The following NEGR1 variants were observed in gnomAD, a reference collection of about 807,000 sequenced individuals.
The protein encoded by NEGR1 is IgLON family member 4.
NEGR1 carries 10 observed loss-of-function variants against 40.9 expected under a neutral mutation model. The ratio of observed to expected loss-of-function variants is 0.24; its 90% CI spans 0.15 to 0.42. The LOEUF (loss-of-function observed/expected upper bound fraction) is 0.42. Among genes scored for constraint, NEGR1 ranks in the 10% least tolerant of loss-of-function variants. NEGR1 has a pLI of 1.00. For synonymous variants in NEGR1, 185 were observed against 166.8 expected, an observed-to-expected ratio of 1.11 and a Z score of -0.84; for missense variants, 352 against 438.9, an observed-to-expected ratio of 0.80 and a Z score of 1.77.
At chr1:71,779,612 G>T (rs1374151190) in intron 2 of NEGR1, among the ~76,000 whole-genome samples, 5 of 151,704 alleles carry the variant, frequency 3.3e-5, no homozygotes, top group Admixed American at 6.6e-5. Flanking sequence ...CTGTCTCCCA[G>T]GCTGGAGTGC....
chr1:72,127,490 A>AAAAAG (rs1650073406), intron 1 of NEGR1, among the ~76,000 whole-genome samples: 13 of 147,376 alleles, frequency 8.8e-5, no homozygotes, highest in South Asian at 2.1e-4. Flanking sequence ...AAAAAAAAAA[A>AAAAAG]GGGAGAATTG....
At chr1:72,114,474 CAGAT>C (rs1649506915) in intron 1 of NEGR1, among the ~76,000 whole-genome samples, 1 of 151,588 alleles carries the variant, frequency 6.6e-6, no homozygotes. Context: ...ATGATAATGA[CAGAT>C]AGATAAATAG....
chr1:72,113,806 T>C (rs1649477789), intron 1 of NEGR1, among the ~76,000 whole-genome samples: 1 of 151,730 alleles, frequency 6.6e-6, no homozygotes, highest in Admixed American at 6.6e-5. Flanking sequence ...AGGCTGTCAG[T>C]TTCTCAGTTA....
intron 6 of NEGR1, among the ~76,000 whole-genome samples, chr1:71,428,227 C>G (rs1399668817): frequency 6.6e-6 from 1 of 152,204 alleles, no homozygotes; most frequent in Non-Finnish European, 1.5e-5. Flanking sequence ...AACGGCAGTG[C>G]CAGCTCTGGG....
chr1:71,615,013 CA>C (rs767591804), intron 4 of NEGR1, among the ~76,000 whole-genome samples: 112 of 152,128 alleles, frequency 7.4e-4, no homozygotes, highest in Non-Finnish European at 1.2e-3. Flanking sequence ...GTCCTAAGAG[CA>C]TTTTGCAAGG....
chr1:72,192,610 C>G (rs1224455331), intron 1 of NEGR1, among the ~76,000 whole-genome samples: 2 of 151,678 alleles, frequency 1.3e-5, no homozygotes, highest in Admixed American at 6.6e-5. Context: ...GTATTTTTAG[C>G]AATGATTCAG....
intron 6 of NEGR1, among the ~76,000 whole-genome samples, chr1:71,531,141 A>G (rs1647345949): frequency 6.6e-6 from 1 of 151,374 alleles, no homozygotes; most frequent in South Asian, 2.1e-4. Flanking sequence ...ATCTTTTGAT[A>G]TAAATAACAT....
chr1:71,757,378 G>T (rs527382859), intron 3 of NEGR1, among the ~76,000 whole-genome samples: 131 of 152,100 alleles, frequency 8.6e-4, no homozygotes, highest in African/African-American at 2.2e-3. Context: ...ATAATAATAA[G>T]AAGAAAAACT....
intron 2 of NEGR1, among the ~76,000 whole-genome samples, chr1:71,826,460 T>G (rs1266657265): frequency 6.6e-6 from 1 of 151,964 alleles, no homozygotes; most frequent in Non-Finnish European, 1.5e-5. Context: ...TTTTGTTTGT[T>G]TTGTTTTACA....
At chr1:71,684,327 TATC>T (rs1440254690) in intron 4 of NEGR1, among the ~76,000 whole-genome samples, 2 of 152,104 alleles carry the variant, frequency 1.3e-5, no homozygotes, top group East Asian at 1.9e-4. Flanking sequence ...AAAATTATTT[TATC>T]ATTCTTTTCC....
chr1:72,282,069 T>G (rs1319143881), intron 1 of NEGR1, among the ~76,000 whole-genome samples: 1 of 152,100 alleles, frequency 6.6e-6, no homozygotes, highest in African/African-American at 2.4e-5. Context: ...AACCTGACAG[T>G]TCACTCATCC....
At chr1:72,070,202 A>G (rs939080050) in intron 1 of NEGR1, among the ~76,000 whole-genome samples, 1 of 152,196 alleles carries the variant, frequency 6.6e-6, no homozygotes, top group African/African-American at 2.4e-5. Context: ...TTTAAATATA[A>G]TCTACAAAGG....
intron 1 of NEGR1, among the ~76,000 whole-genome samples, chr1:72,159,715 C>A (rs17092404): frequency 6.6e-6 from 1 of 151,862 alleles, no homozygotes; most frequent in East Asian, 1.9e-4. Context: ...CTTGCTGCTG[C>A]GATTATTTTC....
At chr1:71,904,062 T>G (rs1030518368) in intron 2 of NEGR1, among the ~76,000 whole-genome samples, 3 of 151,968 alleles carry the variant, frequency 2.0e-5, no homozygotes, top group Non-Finnish European at 2.9e-5. Flanking sequence ...ACATATTATA[T>G]TAAAATCCTT....
chr1:72,165,520 T>C (rs1322593904), intron 1 of NEGR1, among the ~76,000 whole-genome samples: 1 of 151,970 alleles, frequency 6.6e-6, no homozygotes, highest in Non-Finnish European at 1.5e-5. Flanking sequence ...GCATTACAAA[T>C]AGTGTTTCCT....
At chr1:71,884,447 C>G (rs1472742740) in intron 2 of NEGR1, among the ~76,000 whole-genome samples, 2 of 152,102 alleles carry the variant, frequency 1.3e-5, no homozygotes, top group Admixed American at 6.6e-5. Flanking sequence ...GATTGGTTTA[C>G]AAAGCTTCTC....
intron 1 of NEGR1, among the ~76,000 whole-genome samples, chr1:72,031,343 A>T (rs1283606297): frequency 6.6e-6 from 1 of 152,214 alleles, no homozygotes. Context: ...CCAAGCAGGC[A>T]GGACTCCTCT....
intron 6 of NEGR1, among the ~76,000 whole-genome samples, chr1:71,479,487 C>T (rs979307006): frequency 6.6e-6 from 1 of 151,980 alleles, no homozygotes; most frequent in African/African-American, 2.4e-5. Context: ...GTATGTCCCA[C>T]TTGCTTGTTT....
At chr1:71,898,708 A>G (rs998796665) in intron 2 of NEGR1, among the ~76,000 whole-genome samples, 1 of 151,660 alleles carries the variant, frequency 6.6e-6, no homozygotes, top group South Asian at 2.1e-4. Flanking sequence ...CGTTCAAAAC[A>G]TATCTTGCAA....
Sources: allele counts gnomAD v4.1 joint callset (sites outside exome capture counted in the v4.1 genomes callset), GRCh38; gene constraint gnomAD v4.1.1; transcripts MANE v1.5; gene names NCBI Gene and HGNC (gene_info 2026-07-23, HGNC 2026-07-21).